TENM3: variants seen among roughly 807,000 people sequenced by gnomAD.
TENM3 encodes teneurin-3.
A neutral mutation model predicts 255.1 loss-of-function variants in TENM3; 63 were observed. The ratio of observed to expected loss-of-function variants is 0.25; its 90% CI spans 0.20 to 0.30. TENM3 has a LOEUF of 0.30. Ranked by LOEUF, TENM3 falls within the 10% of genes least tolerant of loss-of-function variation. TENM3 has a pLI of 1.00. For missense variants in TENM3, 2,929 were observed against 3,461.1 expected (o/e 0.85, Z 3.86); for synonymous variants, 1,306 against 1,322.3 (o/e 0.99, Z 0.27).
At chr4:182,057,972 T>C in the TENM3 span, among the ~76,000 whole-genome samples, 3 of 152,138 alleles carry the variant, frequency 2.0e-5, no homozygotes, top group Admixed American at 1.3e-4. Context: ...AAAATATATA[T>C]GTCATTGACC....
At position 182,223,406 on chromosome 4, in the gene TENM3, G is replaced by T. The variant is rs1351893316; in HGVS notation, c.-76+78652G>T. 4.0e-5 allele frequency among the ~76,000 whole-genome samples: 6 copies of T among 151,782 alleles called. No individual in the cohort carries two copies. In the South Asian group the frequency reaches 6.2e-4, roughly 16 times the overall value. On this transcript the variant is annotated intron_variant, in intron 1 of 2. Coordinates refer to the TENM3 transcript ENST00000512480. ...TTAATAACATTTTTTTTTTATGAGG[G>T]GGTTTCTACCATTTGCTAAAAGTGA...
At chr4:181,936,191 A>G in the TENM3 span, among the ~76,000 whole-genome samples, 1 of 152,132 alleles carries the variant, frequency 6.6e-6, no homozygotes, top group Non-Finnish European at 1.5e-5. Context: ...CAGGAGTTCG[A>G]GACCAGCCTG....
intron 3 of TENM3, among the ~76,000 whole-genome samples, chr4:182,363,523 A>G (rs1766185437): frequency 1.3e-5 from 2 of 152,040 alleles, no homozygotes; most frequent in African/African-American, 2.4e-5. Context: ...TTGCACTAGC[A>G]ATGTTCTTTT....
the TENM3 span, among the ~76,000 whole-genome samples, chr4:182,017,760 A>T: frequency 6.6e-6 from 1 of 152,218 alleles, no homozygotes; most frequent in African/African-American, 2.4e-5. Flanking sequence ...CTTAGTATTG[A>T]TCGGCATAAC....
chr4:182,479,294 A>G (rs1205414450), intron 3 of TENM3, among the ~76,000 whole-genome samples: 1 of 151,940 alleles, frequency 6.6e-6, no homozygotes, highest in Non-Finnish European at 1.5e-5. Context: ...TTCTGTGATG[A>G]AATACCAAAG....
chr4:181,624,137 A>G, the TENM3 span, among the ~76,000 whole-genome samples: 4 of 152,272 alleles, frequency 2.6e-5, no homozygotes, highest in South Asian at 8.3e-4. Context: ...ATCCCACAAG[A>G]TGGGCGAGGT....
the TENM3 span, among the ~76,000 whole-genome samples, chr4:181,645,547 G>T: frequency 6.6e-6 from 1 of 152,218 alleles, no homozygotes; most frequent in Middle Eastern, 3.4e-3. Context: ...TACAGAACTT[G>T]GGTTACCCTT....
chr4:181,466,434 T>A, the TENM3 span, among the ~76,000 whole-genome samples: 1 of 152,114 alleles, frequency 6.6e-6, no homozygotes, highest in Admixed American at 6.6e-5. Context: ...AAGGGTGATG[T>A]TGTCCTAAGG....
intron 3 of TENM3, among the ~76,000 whole-genome samples, chr4:182,454,858 G>A (rs1033307439): frequency 1.3e-5 from 2 of 152,150 alleles, no homozygotes; most frequent in Non-Finnish European, 2.9e-5. Flanking sequence ...GGAAACTCCA[G>A]TTAAAGCAAT....
chr4:181,959,026 T>C, the TENM3 span, among the ~76,000 whole-genome samples: 1 of 152,114 alleles, frequency 6.6e-6, no homozygotes, highest in Non-Finnish European at 1.5e-5. Flanking sequence ...AATCAGAGCA[T>C]TGAATGGTTT....
chr4:181,837,728 T>C, the TENM3 span, among the ~76,000 whole-genome samples: 84,783 of 152,054 alleles, frequency 0.56, 24,989 homozygotes, highest in East Asian at 0.74. Flanking sequence ...CAATTGAGTG[T>C]TCTAGCCCAA....
At chr4:181,826,847 C>T in the TENM3 span, among the ~76,000 whole-genome samples, 1 of 152,186 alleles carries the variant, frequency 6.6e-6, no homozygotes, top group African/African-American at 2.4e-5. Flanking sequence ...TTAAGAGCCA[C>T]TGCTCTAAAG....
At chr4:181,478,877 C>T in the TENM3 span, among the ~76,000 whole-genome samples, 1 of 152,104 alleles carries the variant, frequency 6.6e-6, no homozygotes, top group African/African-American at 2.4e-5. Flanking sequence ...GTTAATGCTT[C>T]CCTGAGAGAA....
chr4:182,090,576 G>A, the TENM3 span, among the ~76,000 whole-genome samples: 15 of 152,186 alleles, frequency 9.9e-5, no homozygotes, highest in East Asian at 2.3e-3. Context: ...CCATGCCCTC[G>A]GCAGGACTCC....
the TENM3 span, among the ~76,000 whole-genome samples, chr4:181,704,094 C>T: frequency 1.3e-3 from 196 of 152,244 alleles, 1 homozygote; most frequent in Admixed American, 0.011. Flanking sequence ...TTCAACAACC[C>T]AAATAACATC....
the TENM3 span, among the ~76,000 whole-genome samples, chr4:182,021,801 C>G: frequency 2.0e-5 from 3 of 152,210 alleles, no homozygotes; most frequent in East Asian, 5.8e-4. Flanking sequence ...CAATCTTGTA[C>G]TTTCTCTCTT....
At chr4:182,079,769 CTGCCCAGG>C in the TENM3 span, 6 of 152,384 alleles carry the variant, frequency 3.9e-5, no homozygotes, top group African/African-American at 1.4e-4. Context: ...CCAGCACGTG[CTGCCCAGG>C]TGGGAGAATT....
intron 7 of TENM3, among the ~76,000 whole-genome samples, chr4:182,677,520 G>A (rs1392778265): frequency 6.6e-6 from 1 of 152,144 alleles, no homozygotes; most frequent in South Asian, 2.1e-4. Context: ...ACCTGATGAG[G>A]AAATGAATGG....
chr4:182,398,918 A>G (rs1561406524), intron 3 of TENM3, among the ~76,000 whole-genome samples: 1 of 152,182 alleles, frequency 6.6e-6, no homozygotes, highest in Non-Finnish European at 1.5e-5. Flanking sequence ...CCTTAGTTCA[A>G]TTCAATTCAG....
Sources: gnomAD v4.1 joint callset for allele counts (sites outside exome capture counted in the v4.1 genomes callset) on GRCh38, gnomAD v4.1.1 for gene constraint, MANE v1.5 for transcripts, NCBI Gene and HGNC (gene_info 2026-07-23, HGNC 2026-07-21) for gene names.